The following FYCO1 variants were observed in gnomAD, a reference collection of about 807,000 sequenced individuals.
FYCO1 encodes FYVE and coiled-coil domain autophagy adaptor 1.
In FYCO1, 122 loss-of-function variants were observed where a neutral mutation model predicts 165.1. That is an observed-to-expected ratio of 0.74 (90% CI 0.64 to 0.86). The LOEUF (loss-of-function observed/expected upper bound fraction) is 0.86, where lower values mean the gene tolerates loss of function less well. Among genes scored for constraint, FYCO1 ranks in the 40% least tolerant of loss-of-function variants. FYCO1 has a pLI of 0.00. For missense variants in FYCO1, 1,702 were observed against 1,810.3 expected (o/e 0.94, Z 1.09); for synonymous variants, 648 against 742.5 (o/e 0.87, Z 2.07).
intron 2 of FYCO1, among the ~76,000 whole-genome samples, chr3:45,983,810 G>A (rs1264208230): frequency 6.6e-6 from 1 of 152,220 alleles, no homozygotes; most frequent in Non-Finnish European, 1.5e-5. Context: ...GTGCCAGGCT[G>A]TTGGTATAGA....
intron 2 of FYCO1, chr3:45,984,568 AC>A: frequency 1.8e-6 from 1 of 548,224 alleles, no homozygotes; most frequent in Non-Finnish European, 3.3e-6. Context: ...CAGCTTCAAA[AC>A]ACACATGTGT....
chr3:45,947,289 A>G (rs1704679293), intron 14 of FYCO1: 2 of 1,614,106 alleles, frequency 1.2e-6, no homozygotes, highest in East Asian at 2.2e-5. Flanking sequence ...TCACTACACC[A>G]TCATGGTGAC....
Position 45,968,781 on chromosome 3 carries a change from G to A in FYCO1, c.631-78C>T, listed in dbSNP as rs1201509760. 150 of 1,551,574 alleles carry A rather than the reference G, an allele frequency of 9.7e-5. No homozygotes were observed. The African/African-American group carries it at 1.7e-3, about 18-fold the overall frequency. ...ATTTAGAAAAGCTTTAGAGTTTAATGAGAGCAGAGGTAAAAATACAGGCAT... is the reference window on the plus strand; with the variant it reads ...ATTTAGAAAAGCTTTAGAGTTTAATAAGAGCAGAGGTAAAAATACAGGCAT... On this transcript the variant is annotated intron_variant, in intron 7 of 17. Coordinates refer to ENST00000296137, the MANE Select transcript of FYCO1 (RefSeq NM_024513.4).
intron 14 of FYCO1, among the ~76,000 whole-genome samples, chr3:45,943,129 C>T (rs1475747242): frequency 6.6e-6 from 1 of 152,168 alleles, no homozygotes; most frequent in Non-Finnish European, 1.5e-5. Flanking sequence ...TCAGCATTGG[C>T]CCAGACCCTA....
At chr3:45,925,514 T>C (rs1703283351) in intron 16 of FYCO1, among the ~76,000 whole-genome samples, 1 of 152,234 alleles carries the variant, frequency 6.6e-6, no homozygotes, top group Non-Finnish European at 1.5e-5. Flanking sequence ...CATTTTTAAC[T>C]TGTACAAAAT....
chr3:45,961,388 G>A (rs985809692), intron 11 of FYCO1, among the ~76,000 whole-genome samples: 2 of 152,088 alleles, frequency 1.3e-5, no homozygotes, highest in Non-Finnish European at 2.9e-5. Context: ...GAACCAGCCT[G>A]GCCAACATGG....
chr3:45,920,954 G>C lies in FYCO1; in HGVS notation c.*811C>G, dbSNP rs1482382906. 1 of 153,086 alleles carries C rather than the reference G, an allele frequency of 6.5e-6. No homozygotes were observed. Among genetic ancestry groups the C allele is most frequent in the Non-Finnish European group, 1.5e-5 (1 of 68,404 alleles). 9.5% of individuals were successfully genotyped at this position (153,086 alleles called of 1,614,324 possible). ...AACATCCACACTGGCTGGCATTTGG[G>C]CATTAGATGTAGTGTACACACAGCC... On this transcript the variant is annotated 3_prime_UTR_variant, in exon 18 of 18. Coordinates refer to ENST00000296137, the MANE Select transcript of FYCO1 (RefSeq NM_024513.4).
rs1476024928 is a variant in FYCO1, at chr3:45,955,890, CA to C, written c.3800-498del. On this transcript the variant is annotated intron_variant, in intron 13 of 17. Transcript: ENST00000296137. Reference sequence around the variant, plus strand: ...CCTCCCAGTGCTCAAGGGCTTGCAGCAGGCACTGGGTTTCCAACCAGGGGCC... The same window carrying C: ...CCTCCCAGTGCTCAAGGGCTTGCAGCGGCACTGGGTTTCCAACCAGGGGCC... 3.3e-5 allele frequency among the ~76,000 whole-genome samples: 5 copies of C among 152,324 alleles called. No homozygotes were observed. In the East Asian group the frequency reaches 9.7e-4, roughly 29 times the overall value.
rs1181158329 is a variant in FYCO1 at position 45,931,066 on chromosome 3, C to T, written c.4251+5G>A. The T allele has an allele frequency of 6.2e-7, 1 of 1,612,878 alleles. No individual in the cohort carries two copies. The highest frequency in any genetic ancestry group is 1.7e-5 in the Admixed American group (1 of 60,000). On this transcript the variant is annotated splice_donor_5th_base_variant and intron_variant, in intron 16 of 17. Transcript: ENST00000296137. ...GGAGCCCACAGGCAGGGAGCCCAGC[C>T]TTACCTTACACTGATCCAGCGGTGT...
intron 1 of FYCO1, among the ~76,000 whole-genome samples, chr3:45,991,368 T>C (rs924126512): frequency 6.6e-6 from 1 of 152,190 alleles, no homozygotes; most frequent in African/African-American, 2.4e-5. Context: ...CTGTCAGACA[T>C]GGGTACAAAT....
At position 45,968,032 on chromosome 3, in the gene FYCO1, C is replaced by T; in HGVS notation, c.1302G>A (p.Glu434=). The T allele has an allele frequency of 6.2e-7, 1 of 1,614,142 alleles. No individual in the cohort carries two copies. The highest frequency in any genetic ancestry group is 8.5e-7 in the Non-Finnish European group (1 of 1,180,028). ...QSAQLEQLVK[E]LQLKEDARAS... ...CCCGGGCATCCTCTTTCAGCTGAAG[C>T]TCCTTGACCAGCTGTTCCAGTTGGG... is the stretch of plus-strand genomic sequence containing the variant. The change falls in exon 8 of 18, where the codon GAG becomes GAA. Residue 434 remains glutamate (E), a synonymous_variant. Coordinates refer to ENST00000296137, the MANE Select transcript of FYCO1 (RefSeq NM_024513.4).
intron 4 of FYCO1, among the ~76,000 whole-genome samples, chr3:45,979,239 C>T (rs896761926): frequency 7.9e-5 from 12 of 152,220 alleles, no homozygotes; most frequent in Non-Finnish European, 1.6e-4. Context: ...AAAGTTGGCA[C>T]ATCACTGTTT....
At position 45,966,519 on chromosome 3, in the gene FYCO1, C is replaced by G. The variant is rs531750827; in HGVS notation, c.2815G>C (p.Ala939Pro). ...AGGCCCTCTCGCTCCCTTGAGGCTG[C>G]CTCTTTGGCGTCCTGGAGCTCCTGG... ...AVQELQDAKE[A>P]ASREREGLER... is the part of the protein sequence containing the mutation. Residue 939 changes from alanine (A) to proline (P), a missense_variant, in exon 8 of 18, where the codon GCA becomes CCA. Physicochemically the swap from Ala to Pro is conservative, Grantham distance 27. Coordinates refer to ENST00000296137, the MANE Select transcript of FYCO1 (RefSeq NM_024513.4). The G allele has an allele frequency of 3.2e-4, 519 of 1,612,934 alleles. No homozygotes were observed. Among genetic ancestry groups the G allele is most frequent in the Non-Finnish European group, 4.3e-4 (508 of 1,179,104 alleles).
chr3:45,958,196 T>C (rs1705462520), intron 13 of FYCO1, among the ~76,000 whole-genome samples: 3 of 152,252 alleles, frequency 2.0e-5, no homozygotes, highest in Admixed American at 2.0e-4. Flanking sequence ...CTGAATCTTA[T>C]CAGGGCAAAG....
At position 45,920,764 on chromosome 3, in the gene FYCO1, T is replaced by C. The variant is rs1437088896; in HGVS notation, c.*1001A>G. 1 of 152,676 alleles carries C rather than the reference T, an allele frequency of 6.5e-6. No homozygotes were observed. Among genetic ancestry groups the C allele is most frequent in the Non-Finnish European group, 1.5e-5 (1 of 68,058 alleles). 9.5% of individuals were successfully genotyped at this position (152,676 alleles called of 1,614,324 possible). A position where few individuals can be genotyped will look rare whatever the true frequency, so the allele number is the denominator to read the frequency against. On this transcript the variant is annotated 3_prime_UTR_variant, in exon 18 of 18. Coordinates refer to ENST00000296137, the MANE Select transcript of FYCO1 (RefSeq NM_024513.4). ...CTTTGGTTCTTAAGTTATCAAAGAC[T>C]TTTGTTAAGAAGGCCCCAATGTTTG...
At chr3:45,986,659 C>G (rs1023978610) in intron 1 of FYCO1, among the ~76,000 whole-genome samples, 9 of 152,300 alleles carry the variant, frequency 5.9e-5, no homozygotes, top group Non-Finnish European at 1.3e-4. Context: ...AGGGGAGCCA[C>G]AGAGAACCCC....
At chr3:45,943,927 T>G (rs942835130) in intron 14 of FYCO1, among the ~76,000 whole-genome samples, 4 of 152,210 alleles carry the variant, frequency 2.6e-5, no homozygotes, top group Non-Finnish European at 5.9e-5. Flanking sequence ...TTATGTTCTT[T>G]TTTCAATATA....
intron 12 of FYCO1, among the ~76,000 whole-genome samples, chr3:45,959,170 A>G (rs190933143): frequency 1.3e-5 from 2 of 152,220 alleles, no homozygotes; most frequent in Non-Finnish European, 2.9e-5. Context: ...AACTCCATCC[A>G]CATCTCTGTA....
chr3:45,956,952 C>G (rs1026808885), intron 13 of FYCO1, among the ~76,000 whole-genome samples: 1 of 152,084 alleles, frequency 6.6e-6, no homozygotes, highest in African/African-American at 2.4e-5. Flanking sequence ...TGATAAAGAA[C>G]AAAACTGGAG....
Sources: allele counts gnomAD v4.1 joint callset (sites outside exome capture counted in the v4.1 genomes callset), GRCh38; gene constraint gnomAD v4.1.1; transcripts MANE v1.5; gene names NCBI Gene and HGNC (gene_info 2026-07-23, HGNC 2026-07-21).